Variants in PCED1B observed in about 807,000 individuals in gnomAD.
PCED1B encodes the protein PC-esterase domain-containing protein 1B.
For missense variants in PCED1B, 573 were observed against 573.9 expected (o/e 1.00, Z 0.02); for synonymous variants, 251 against 246.1 (o/e 1.02, Z -0.19).
At chr12:47,229,369 G>T (rs1345963721) in intron 3 of PCED1B, among the ~76,000 whole-genome samples, 1 of 151,016 alleles carries the variant, frequency 6.6e-6, no homozygotes, top group Non-Finnish European at 1.5e-5. Flanking sequence ...AACTGAGATT[G>T]CACCACTGTA....
intron 2 of PCED1B, among the ~76,000 whole-genome samples, chr12:47,131,729 C>A (rs948492645): frequency 7.0e-6 from 1 of 143,058 alleles, no homozygotes; most frequent in Non-Finnish European, 1.5e-5. Context: ...AGTGCAGTGG[C>A]GCAATCTCGT....
chr12:47,207,791 G>A (rs965769559), intron 2 of PCED1B, among the ~76,000 whole-genome samples: 10 of 152,188 alleles, frequency 6.6e-5, no homozygotes, highest in Non-Finnish European at 1.2e-4. Flanking sequence ...TACCTACTGA[G>A]AGAACTTATT....
At chr12:47,186,233 A>G (rs1190823181) in intron 2 of PCED1B, among the ~76,000 whole-genome samples, 3 of 152,084 alleles carry the variant, frequency 2.0e-5, no homozygotes, top group East Asian at 3.8e-4. Context: ...AAAGAAAAAA[A>G]AAAAGAACTT....
intron 2 of PCED1B, among the ~76,000 whole-genome samples, chr12:47,137,813 A>C (rs1034844158): frequency 6.6e-6 from 1 of 152,082 alleles, no homozygotes; most frequent in Non-Finnish European, 1.5e-5. Context: ...TAAATACTTA[A>C]AGTTTACAAG....
Position 47,236,116 on chromosome 12 carries a change from T to C in PCED1B, c.1053T>C (p.Asp351=), listed in dbSNP as rs1414054371. ...CCTCAGACCATACTTTCCAGTCGGA[T>C]CAATTCTATTGCCATTCAGATGTCC... ...CFSSDHTFQS[D]QFYCHSDVPS... Residue 351 remains aspartate (D), a synonymous_variant, in exon 4 of 4, where the codon GAT becomes GAC. Coordinates refer to ENST00000546455, the MANE Select transcript of PCED1B (RefSeq NM_138371.3). The C allele has an allele frequency of 6.2e-7, 1 of 1,614,118 alleles. No homozygotes were observed. Among genetic ancestry groups the C allele is most frequent in the South Asian group, 1.1e-5 (1 of 91,084 alleles).
chr12:47,156,359 C>T (rs140037510), intron 2 of PCED1B, among the ~76,000 whole-genome samples: 1 of 152,028 alleles, frequency 6.6e-6, no homozygotes, highest in East Asian at 1.9e-4. Context: ...CCTGCTCAAC[C>T]CTTTTTCTTA....
intron 2 of PCED1B, among the ~76,000 whole-genome samples, chr12:47,156,855 G>T (rs1303368878): frequency 6.6e-6 from 1 of 152,078 alleles, no homozygotes; most frequent in African/African-American, 2.4e-5. Flanking sequence ...TACTAGCTGT[G>T]ATCTTGGCCA....
chr12:47,158,376 A>G (rs1353088044), intron 2 of PCED1B, among the ~76,000 whole-genome samples: 1 of 152,084 alleles, frequency 6.6e-6, no homozygotes, highest in African/African-American at 2.4e-5. Context: ...CTCCCTTTCC[A>G]GTTTTCGATT....
At chr12:47,164,336 T>C (rs1474632786) in intron 2 of PCED1B, among the ~76,000 whole-genome samples, 1 of 152,150 alleles carries the variant, frequency 6.6e-6, no homozygotes, top group Non-Finnish European at 1.5e-5. Flanking sequence ...TGGGTAAACA[T>C]TCCCACTCCA....
At chr12:47,153,026 G>A (rs1242082872) in intron 2 of PCED1B, among the ~76,000 whole-genome samples, 1 of 152,124 alleles carries the variant, frequency 6.6e-6, no homozygotes, top group Non-Finnish European at 1.5e-5. Context: ...GAAATGTAAT[G>A]ATTCTAGGAA....
chr12:47,205,217 A>C (rs1475823118), intron 2 of PCED1B, among the ~76,000 whole-genome samples: 2 of 152,186 alleles, frequency 1.3e-5, no homozygotes, highest in African/African-American at 2.4e-5. Flanking sequence ...TCTTGCACTG[A>C]ATCAATTCCT....
chr12:47,149,018 T>C (rs1940894902), intron 2 of PCED1B, among the ~76,000 whole-genome samples: 1 of 152,220 alleles, frequency 6.6e-6, no homozygotes. Flanking sequence ...CTAAGGGAAA[T>C]GGCACTGCTG....
intron 2 of PCED1B, among the ~76,000 whole-genome samples, chr12:47,203,564 AT>A (rs1311862420): frequency 6.6e-6 from 1 of 152,062 alleles, no homozygotes; most frequent in Non-Finnish European, 1.5e-5. Flanking sequence ...AACATGCAAT[AT>A]TTGGTTTTCT....
At chr12:47,218,851 C>A (rs559664318) in intron 3 of PCED1B, among the ~76,000 whole-genome samples, 30 of 151,816 alleles carry the variant, frequency 2.0e-4, no homozygotes, top group Middle Eastern at 3.2e-3. Context: ...TTCCATAGAT[C>A]GGCCGCCTGT....
At chr12:47,104,084 T>G (rs1938838400) in intron 1 of PCED1B, 29 bp from the exon 2 acceptor site, 1 of 152,154 alleles carries the variant, frequency 6.6e-6, no homozygotes, top group African/African-American at 2.4e-5. Context: ...GGAAAATGAA[T>G]AATTAAACAT....
intron 2 of PCED1B, among the ~76,000 whole-genome samples, chr12:47,109,025 G>A (rs927994595): frequency 7.2e-5 from 11 of 152,322 alleles, no homozygotes; most frequent in African/African-American, 2.6e-4. Context: ...GTCTTGAAAT[G>A]AAAACTAAAA....
At chr12:47,181,967 T>G (rs1396871465) in intron 2 of PCED1B, among the ~76,000 whole-genome samples, 1 of 152,196 alleles carries the variant, frequency 6.6e-6, no homozygotes, top group South Asian at 2.1e-4. Context: ...CTATTACTAA[T>G]GGAAAGGCTG....
At chr12:47,218,271 C>T (rs987091072) in intron 3 of PCED1B, among the ~76,000 whole-genome samples, 3 of 152,210 alleles carry the variant, frequency 2.0e-5, no homozygotes, top group Non-Finnish European at 4.4e-5. Context: ...TGGGGAAAGG[C>T]CTAATGTGAG....
Position 47,235,741 on chromosome 12 carries a change from C to T in PCED1B, c.678C>T (p.His226=), listed in dbSNP as rs1449356064. The change falls in exon 4 of 4, where the codon CAC becomes CAT. Residue 226 remains histidine (H), a synonymous_variant. Transcript: ENST00000546455. ...TCCGCCACGCGAGGGAGAACCTGCA[C>T]TGGGACGGGGTGCACTGGAATGGAC... ...FHFRHARENL[H]WDGVHWNGRV... 4 of 1,606,226 alleles carry T rather than the reference C, an allele frequency of 2.5e-6. No homozygotes were observed. Among genetic ancestry groups the T allele is most frequent in the Admixed American group, 1.7e-5 (1 of 58,612 alleles).
Sources: gnomAD v4.1 joint callset for allele counts (sites outside exome capture counted in the v4.1 genomes callset) on GRCh38, gnomAD v4.1.1 for gene constraint, MANE v1.5 for transcripts, NCBI Gene and HGNC (gene_info 2026-07-23, HGNC 2026-07-21) for gene names.